The following KPNA4 variants were observed in gnomAD, a reference collection of about 807,000 sequenced individuals.
KPNA4 encodes the protein karyopherin subunit alpha 4.
KPNA4 carries 13 observed loss-of-function variants against 71.3 expected under a neutral mutation model. The ratio of observed to expected loss-of-function variants is 0.18; its 90% confidence interval spans 0.12 to 0.29. The LOEUF is 0.29. Ranked by LOEUF, KPNA4 falls within the 10% of genes least tolerant of loss-of-function variation. The pLI is 1.00. For missense variants in KPNA4, 334 were observed against 603.2 expected (o/e 0.55, Z 4.67); for synonymous variants, 189 against 195.2 (o/e 0.97, Z 0.26).
chr3:160,522,695 T>G (rs1721376786), intron 10 of KPNA4, among the ~76,000 whole-genome samples: 1 of 152,208 alleles, frequency 6.6e-6, no homozygotes, highest in Non-Finnish European at 1.5e-5. Context: ...CCTGACCTCA[T>G]GATCCGCCCG....
At chr3:160,509,493 A>G (rs1297717021) in intron 14 of KPNA4, among the ~76,000 whole-genome samples, 3 of 152,246 alleles carry the variant, frequency 2.0e-5, no homozygotes, top group African/African-American at 4.8e-5. Flanking sequence ...TGGGAAAAAG[A>G]ACACTTCTAT....
Position 160,511,798 on chromosome 3 carries a change from T to C in KPNA4, c.1138-1927A>G, listed in dbSNP as rs545159002. On this transcript the variant is annotated intron_variant, in intron 13 of 16. Transcript: ENST00000334256. ...TTTTTTATGGTCTTTAGGATATATA[T>C]CATCAATGATGTACTTAAAAATAAT... is the stretch of plus-strand genomic sequence containing the variant. Among the ~76,000 whole-genome samples the C allele has an allele frequency of 2.6e-5, 4 of 151,246 alleles. No homozygotes were observed. In the South Asian group the frequency reaches 8.3e-4, roughly 31 times the overall value.
At chr3:160,521,170 G>A (rs950678932) in intron 11 of KPNA4, among the ~76,000 whole-genome samples, 5 of 151,006 alleles carry the variant, frequency 3.3e-5, no homozygotes, top group Non-Finnish European at 5.9e-5. Context: ...GGTTGGCAAG[G>A]AAGAAAAAAA....
intron 5 of KPNA4, among the ~76,000 whole-genome samples, chr3:160,533,345 G>A (rs1256495447): frequency 3.3e-5 from 5 of 151,156 alleles, no homozygotes; most frequent in Non-Finnish European, 4.4e-5. Flanking sequence ...TTAAAATACA[G>A]TTTTGCCTTT....
intron 1 of KPNA4, among the ~76,000 whole-genome samples, chr3:160,546,797 C>CAAGACTTAG (rs1721919579): frequency 6.6e-6 from 1 of 152,094 alleles, no homozygotes; most frequent in Non-Finnish European, 1.5e-5. Context: ...AAATACCACT[C>CAAGACTTAG]AAGACTTAGA....
chr3:160,507,026 T>C lies in KPNA4; in HGVS notation c.1372+1081A>G, dbSNP rs376804924. Among the ~76,000 whole-genome samples the C allele has an allele frequency of 4.6e-5, 7 of 152,348 alleles. No homozygotes were observed. The East Asian group carries it at 9.6e-4, about 21-fold the overall frequency. On this transcript the variant is annotated intron_variant, in intron 15 of 16. Transcript: ENST00000334256. ...ACCTTTATATTTATGCTTATCCAGA[T>C]TGATAACACACTGTGTTACACAGCC...
chr3:160,544,403 T>C (rs1721865883), intron 1 of KPNA4, among the ~76,000 whole-genome samples: 1 of 152,150 alleles, frequency 6.6e-6, no homozygotes, highest in Admixed American at 6.5e-5. Context: ...TCTACTCTAG[T>C]AAACAAACAC....
Position 160,565,206 on chromosome 3 carries a change from G to C in KPNA4, c.69+8C>G. Reference sequence around the variant, plus strand: ...CCCCCACCCCTCCGGCGTCGTCCCCGAGTTTACCTCCAAGTCGCGGCCTTT... The same window carrying C: ...CCCCCACCCCTCCGGCGTCGTCCCCCAGTTTACCTCCAAGTCGCGGCCTTT... On this transcript the variant is annotated splice_region_variant and intron_variant, in intron 1 of 16. Coordinates refer to ENST00000334256, the MANE Select transcript of KPNA4 (RefSeq NM_002268.5). 1 of 1,602,298 alleles carries C rather than the reference G, an allele frequency of 6.2e-7. No homozygotes were observed. Among genetic ancestry groups the C allele is most frequent in the East Asian group, 2.3e-5 (1 of 44,154 alleles).
At chr3:160,535,113 G>C (rs1721661091) in intron 5 of KPNA4, among the ~76,000 whole-genome samples, 1 of 152,184 alleles carries the variant, frequency 6.6e-6, no homozygotes, top group African/African-American at 2.4e-5. Flanking sequence ...TATGAGGATT[G>C]TGAGAAGAAT....
intron 10 of KPNA4, among the ~76,000 whole-genome samples, chr3:160,522,397 T>C (rs1392921788): frequency 6.6e-6 from 1 of 152,250 alleles, no homozygotes; most frequent in Non-Finnish European, 1.5e-5. Flanking sequence ...AGTATTCATA[T>C]TGTAGTATAA....
chr3:160,556,841 CA>C (rs1212253279), intron 1 of KPNA4, among the ~76,000 whole-genome samples: 3 of 152,056 alleles, frequency 2.0e-5, no homozygotes, highest in Non-Finnish European at 4.4e-5. Context: ...GTGTCTGAAA[CA>C]GCTGATCAAC....
intron 7 of KPNA4, 120 bp downstream of exon 7, chr3:160,530,735 T>G: frequency 1.6e-6 from 1 of 638,750 alleles, no homozygotes; most frequent in Non-Finnish European, 2.7e-6. Context: ...CCTATTTCAA[T>G]AACTACGTAG....
intron 1 of KPNA4, among the ~76,000 whole-genome samples, chr3:160,544,110 G>T (rs572091621): frequency 6.6e-6 from 1 of 152,074 alleles, no homozygotes; most frequent in African/African-American, 2.4e-5. Flanking sequence ...CACCTGCCTC[G>T]GCCTCCCAAA....
At position 160,501,691 on chromosome 3, in the gene KPNA4, T is replaced by G. The variant is rs1214543764; in HGVS notation, c.*413A>C. The G allele has an allele frequency of 6.6e-6, 1 of 152,656 alleles. No homozygotes were observed. Among genetic ancestry groups the G allele is most frequent in the Non-Finnish European group, 1.5e-5 (1 of 68,068 alleles). The allele number at this position is 152,656 out of a possible 1,614,324, so 9.5% of individuals were successfully genotyped here. ...TGGGCTCATTTTCCTTTGACTTATA[T>G]GGGCAGCCTATTCTCTTTTATGCTT... On this transcript the variant is annotated 3_prime_UTR_variant, in exon 17 of 17. Transcript: ENST00000334256.
In KPNA4 at chr3:160,500,037, G is replaced by A. The variant is rs944250712; in HGVS notation, c.*2067C>T. ...AATATTAATATGTCCATACTGAAAT[G>A]ACAGAACCAAAGAAATTTCTTATTA... On this transcript the variant is annotated 3_prime_UTR_variant, in exon 17 of 17. Coordinates refer to ENST00000334256, the MANE Select transcript of KPNA4 (RefSeq NM_002268.5). 1.3e-5 allele frequency: 2 copies of A among 149,632 alleles called. No individual in the cohort carries two copies. Among genetic ancestry groups the A allele is most frequent in the Non-Finnish European group, 3.0e-5 (2 of 67,170 alleles). 9.3% of individuals were successfully genotyped at this position (149,632 alleles called of 1,614,324 possible).
Position 160,555,473 on chromosome 3 carries a change from T to C in KPNA4, c.69+9741A>G, listed in dbSNP as rs116731834. On this transcript the variant is annotated intron_variant, in intron 1 of 16. Transcript: ENST00000334256. ...TGCAGATAGTACTGAACTCTACATGTAGTATGTTTTTTTCTATGCCTACAT... is the reference window on the plus strand; with the variant it reads ...TGCAGATAGTACTGAACTCTACATGCAGTATGTTTTTTTCTATGCCTACAT... Among the ~76,000 whole-genome samples, 669 of 152,282 alleles carry C rather than the reference T, an allele frequency of 4.4e-3. 7 individuals are homozygous for C. Among genetic ancestry groups the C allele is most frequent in the African/African-American group, 0.016 (645 of 41,552 alleles).
intron 1 of KPNA4, among the ~76,000 whole-genome samples, chr3:160,537,707 C>A (rs1194628116): frequency 6.6e-6 from 1 of 150,832 alleles, no homozygotes; most frequent in Non-Finnish European, 1.5e-5. Flanking sequence ...ACTCCACCTG[C>A]CATCTCAGCA....
intron 7 of KPNA4, among the ~76,000 whole-genome samples, chr3:160,528,701 C>T (rs1165807783): frequency 6.6e-6 from 1 of 152,116 alleles, no homozygotes; most frequent in African/African-American, 2.4e-5. Context: ...ATGTTAACAA[C>T]ATGTGGGTCT....
chr3:160,533,264 A>T (rs1242704156), intron 5 of KPNA4, among the ~76,000 whole-genome samples: 1 of 152,122 alleles, frequency 6.6e-6, no homozygotes, highest in Non-Finnish European at 1.5e-5. Flanking sequence ...ACCTCAAGTG[A>T]TCCCCTGGCC....
Sources: allele counts gnomAD v4.1 joint callset (sites outside exome capture counted in the v4.1 genomes callset), GRCh38; gene constraint gnomAD v4.1.1; transcripts MANE v1.5; gene names NCBI Gene and HGNC (gene_info 2026-07-23, HGNC 2026-07-21).